NSD2: variants seen among roughly 807,000 people sequenced by gnomAD.
NSD2 encodes histone-lysine N-methyltransferase NSD2.
NSD2 carries 12 observed loss-of-function variants against 139.0 expected under a neutral mutation model. The ratio of observed to expected loss-of-function variants is 0.09; its 90% confidence interval spans 0.06 to 0.14. The LOEUF (loss-of-function observed/expected upper bound fraction) is 0.14, where lower values mean the gene tolerates loss of function less well. Among genes scored for constraint, NSD2 ranks in the 10% least tolerant of loss-of-function variants. NSD2 has a pLI of 1.00. For synonymous variants in NSD2, 669 were observed against 648.7 expected (o/e 1.03, Z -0.48); for missense variants, 1,155 against 1,745.0 (o/e 0.66, Z 6.02).
chr4:1,936,368 A>G (rs567760835), intron 7 of NSD2, among the ~76,000 whole-genome samples: 24 of 152,108 alleles, frequency 1.6e-4, no homozygotes, highest in African/African-American at 5.5e-4. Context: ...TTGAATTTCT[A>G]TTTTATTCGA....
Position 1,976,804 on chromosome 4 carries a change from G to A in NSD2, c.3826+125G>A, listed in dbSNP as rs1727130815. 1 of 994,898 alleles carries A rather than the reference G, an allele frequency of 1.0e-6. No homozygotes were observed. Among genetic ancestry groups the A allele is most frequent in the Admixed American group, 2.8e-5 (1 of 35,936 alleles). 61.6% of individuals were successfully genotyped at this position (994,898 alleles called of 1,614,324 possible). A position where few individuals can be genotyped will look rare whatever the true frequency, so the allele number is the denominator to read the frequency against. ...TGCAGGCACATCAGGCGCTCATGCA[G>A]CGAAGGCCCTGATCCAGGGTGGCAG... On this transcript the variant is annotated intron_variant, in intron 21 of 21. Transcript: ENST00000508803. The surrounding 1 kb of genome is among the most constrained non-coding windows in gnomAD (Gnocchi z 5.3).
intron 1 of NSD2, among the ~76,000 whole-genome samples, chr4:1,899,644 G>GT (rs941916468): frequency 7.9e-5 from 12 of 152,298 alleles, no homozygotes; most frequent in African/African-American, 2.6e-4. Flanking sequence ...GTGCCTACCT[G>GT]TTTCTTATTC....
chr4:1,873,666 A>G (rs538706056), intron 1 of NSD2, among the ~76,000 whole-genome samples: 2 of 152,208 alleles, frequency 1.3e-5, no homozygotes, highest in Non-Finnish European at 2.9e-5. Context: ...AAAGTAATCA[A>G]ATCTTACAAA....
intron 9 of NSD2, chr4:1,947,693 CTG>C (rs1723773712): frequency 9.5e-7 from 1 of 1,054,422 alleles, no homozygotes; most frequent in Non-Finnish European, 1.1e-6. Context: ...AACGCAAACA[CTG>C]TGGAGGTACT....
Position 1,978,934 on chromosome 4 carries a change from C to T in NSD2, c.*25C>T. 4.1e-6 allele frequency: 6 copies of T among 1,474,136 alleles called. No homozygotes were observed. The highest frequency in any genetic ancestry group is 5.4e-6 in the Non-Finnish European group (6 of 1,109,674). The allele number at this position is 1,474,136 out of a possible 1,614,324, so 91.3% of individuals were successfully genotyped here. A position where few individuals can be genotyped will look rare whatever the true frequency, so the allele number is the denominator to read the frequency against. On this transcript the variant is annotated 3_prime_UTR_variant, in exon 22 of 22. Coordinates refer to ENST00000508803, the MANE Select transcript of NSD2 (RefSeq NM_001042424.3). ...GCGCCAGGCGGCCGCTTGGCCGGAT[C>T]CAGGGGCGGTGCAGGGCGGCCGGCC...
At chr4:1,929,794 T>C (rs990776616) in intron 5 of NSD2, among the ~76,000 whole-genome samples, 1 of 152,190 alleles carries the variant, frequency 6.6e-6, no homozygotes, top group African/African-American at 2.4e-5. Context: ...GCTCTCGGAC[T>C]TGGGGACACA....
Position 1,976,852 on chromosome 4 carries a change from C to T in NSD2, c.3826+173C>T, listed in dbSNP as rs1332191413. Among the ~76,000 whole-genome samples, 1 of 152,244 alleles carries T rather than the reference C, an allele frequency of 6.6e-6. No homozygotes were observed. The highest frequency in any genetic ancestry group is 1.5e-5 in the Non-Finnish European group (1 of 68,046). On this transcript the variant is annotated intron_variant, in intron 21 of 21. Transcript: ENST00000508803. This position sits in a 1 kb window ranked among gnomAD's most constrained non-coding sequence, Gnocchi z 5.3. ...CAGAGCCTTTCTTTGTTCCACCAGC[C>T]GCACATTCTAGATCTCTGCATCGAG...
Position 1,948,020 on chromosome 4 carries a change from A to G in NSD2, c.1882-3052A>G, listed in dbSNP as rs1245889664. ...AGGTTCCGTTATGTTTGGTAATATCATCTTGAAAAGTCCCTGTAATAGATC... is the reference window on the plus strand; with the variant it reads ...AGGTTCCGTTATGTTTGGTAATATCGTCTTGAAAAGTCCCTGTAATAGATC... On this transcript the variant is annotated intron_variant, in intron 9 of 21. Transcript: ENST00000508803. The surrounding 1 kb of genome is among the most constrained non-coding windows in gnomAD (Gnocchi z 4.5). The G allele has an allele frequency of 9.5e-7, 1 of 1,056,128 alleles. No individual in the cohort carries two copies. The highest frequency in any genetic ancestry group is 1.7e-5 in the African/African-American group (1 of 60,514). 65.4% of individuals were successfully genotyped at this position (1,056,128 alleles called of 1,614,324 possible).
intron 5 of NSD2, among the ~76,000 whole-genome samples, chr4:1,928,967 G>A (rs1040385997): frequency 1.3e-5 from 2 of 152,096 alleles, no homozygotes; most frequent in Non-Finnish European, 2.9e-5. Flanking sequence ...GCAGGAGTAG[G>A]CATATGCAGG....
At chr4:1,952,355 G>T (rs1724361282) in intron 11 of NSD2, 124 bp downstream of exon 11, 2 of 1,418,796 alleles carry the variant, frequency 1.4e-6, no homozygotes, top group Non-Finnish European at 9.5e-7. Context: ...CCACCGCCTG[G>T]CCCTCTCTGG....
At chr4:1,916,434 C>T (rs948595762) in intron 3 of NSD2, among the ~76,000 whole-genome samples, 2 of 152,166 alleles carry the variant, frequency 1.3e-5, no homozygotes, top group African/African-American at 4.8e-5. Context: ...CAACATGTGC[C>T]TCCCAGGCTC....
chr4:1,975,538 G>A, intron 20 of NSD2, 138 bp downstream of exon 20: 1 of 690,608 alleles, frequency 1.4e-6, no homozygotes, highest in East Asian at 2.7e-5. Flanking sequence ...TCCCTGCTGT[G>A]GGCTGGGGAG....
intron 9 of NSD2, chr4:1,944,550 G>C (rs1382402206): frequency 2.3e-5 from 24 of 1,065,028 alleles, no homozygotes; most frequent in Non-Finnish European, 2.7e-5. Context: ...TGGCTCTCCA[G>C]TGTAAAACTT....
intron 1 of NSD2, among the ~76,000 whole-genome samples, chr4:1,890,926 C>G (rs1715483098): frequency 6.6e-6 from 1 of 151,658 alleles, no homozygotes; most frequent in Non-Finnish European, 1.5e-5. Flanking sequence ...CAAGGTCTCA[C>G]TCTGTCACCC....
chr4:1,924,312 G>A (rs376585881), intron 5 of NSD2, among the ~76,000 whole-genome samples: 2 of 152,174 alleles, frequency 1.3e-5, no homozygotes, highest in Admixed American at 1.3e-4. Flanking sequence ...CGCAGGGTTG[G>A]TGAGGTGCTG....
intron 1 of NSD2, among the ~76,000 whole-genome samples, chr4:1,891,042 T>A (rs1003888706): frequency 2.6e-5 from 4 of 151,636 alleles, no homozygotes; most frequent in Non-Finnish European, 4.4e-5. Flanking sequence ...CACAGGCACA[T>A]GCCACCACGC....
intron 3 of NSD2, among the ~76,000 whole-genome samples, chr4:1,915,493 G>A (rs553488310): frequency 3.3e-5 from 5 of 152,144 alleles, no homozygotes; most frequent in African/African-American, 1.2e-4. Context: ...TAGCACACAG[G>A]GTTTCTCTGT....
chr4:1,955,647 C>T lies in NSD2; in HGVS notation c.2519-46C>T. The T allele has an allele frequency of 1.3e-6, 2 of 1,570,054 alleles. No individual in the cohort carries two copies. The highest frequency in any genetic ancestry group is 8.6e-7 in the Non-Finnish European group (1 of 1,156,746). On this transcript the variant is annotated intron_variant, in intron 13 of 21. Transcript: ENST00000508803. This position sits in a 1 kb window ranked among gnomAD's most constrained non-coding sequence, Gnocchi z 4.7. ...TGTGAAGCACTGAATCTGGGCTGAG[C>T]CATAGCAGACAGGCTAAGCCTGGCC...
intron 1 of NSD2, among the ~76,000 whole-genome samples, chr4:1,887,892 T>C (rs1715233571): frequency 6.6e-6 from 1 of 152,046 alleles, no homozygotes; most frequent in Non-Finnish European, 1.5e-5. Context: ...TTACACTAGA[T>C]CTGTCAGTTC....
Sources: allele counts gnomAD v4.1 joint callset (sites outside exome capture counted in the v4.1 genomes callset), GRCh38; gene constraint gnomAD v4.1.1; non-coding constraint Gnocchi (gnomAD v3.1); transcripts MANE v1.5; gene names NCBI Gene and HGNC (gene_info 2026-07-23, HGNC 2026-07-21).